Variants in RAB38 observed in about 807,000 individuals in gnomAD.
The protein encoded by RAB38 is RAB38, member RAS oncogene family, also known as ras-related protein Rab-38.
Under a neutral mutation model 18.4 loss-of-function variants are expected in RAB38, and 15 were observed. The observed-to-expected ratio is 0.82, with a 90% CI of 0.55 to 1.26. The LOEUF (loss-of-function observed/expected upper bound fraction) is 1.26, where lower values mean the gene tolerates loss of function less well. Ranked by LOEUF, RAB38 falls within the 50% of genes most tolerant of loss-of-function variation. The pLI is 0.00. For missense variants in RAB38, 294 were observed against 267.4 expected, an observed-to-expected ratio of 1.10 and a Z score of -0.69; for synonymous variants, 101 against 104.4, an observed-to-expected ratio of 0.97 and a Z score of 0.20.
intron 1 of RAB38, among the ~76,000 whole-genome samples, chr11:88,157,948 T>C (rs1943145786): frequency 6.6e-6 from 1 of 151,712 alleles, no homozygotes; most frequent in South Asian, 2.1e-4. Flanking sequence ...CAGAATGAAA[T>C]TGAGACTCAA....
chr11:87,932,759 A>G, the RAB38 span, among the ~76,000 whole-genome samples: 2 of 152,104 alleles, frequency 1.3e-5, no homozygotes, highest in Non-Finnish European at 2.9e-5. Context: ...GTGTGTAGGC[A>G]AAAACCACCT....
the RAB38 span, among the ~76,000 whole-genome samples, chr11:87,855,048 G>A: frequency 1.3e-5 from 2 of 152,076 alleles, no homozygotes; most frequent in African/African-American, 4.8e-5. Context: ...ACGTGCCTCG[G>A]CCTCCCAAAG....
At chr11:88,148,853 A>G (rs1943025026) in intron 2 of RAB38, among the ~76,000 whole-genome samples, 1 of 152,196 alleles carries the variant, frequency 6.6e-6, no homozygotes, top group African/African-American at 2.4e-5. Context: ...AATCAAAAGC[A>G]AAAATGGTTA....
chr11:87,946,044 C>G, the RAB38 span, among the ~76,000 whole-genome samples: 1 of 152,234 alleles, frequency 6.6e-6, no homozygotes, highest in South Asian at 2.1e-4. Flanking sequence ...CAAGTTCACA[C>G]ATGCCAAAGC....
At chr11:87,878,770 C>T in the RAB38 span, among the ~76,000 whole-genome samples, 2 of 151,616 alleles carry the variant, frequency 1.3e-5, no homozygotes, top group African/African-American at 4.8e-5. Context: ...ATGTGCTCAC[C>T]AGGTGAATTT....
chr11:88,064,236 A>G, the RAB38 span, among the ~76,000 whole-genome samples: 97 of 152,346 alleles, frequency 6.4e-4, no homozygotes, highest in Non-Finnish European at 4.7e-4. Context: ...GTGATGCTCA[A>G]AAAGATGGAA....
chr11:87,937,615 T>C, the RAB38 span, among the ~76,000 whole-genome samples: 1 of 151,782 alleles, frequency 6.6e-6, no homozygotes, highest in African/African-American at 2.4e-5. Context: ...CATGAATAGT[T>C]ATGACTATTG....
Position 88,113,852 on chromosome 11 carries a change from GAAAAA to G in RAB38, c.*131_*135del. On this transcript the variant is annotated 3_prime_UTR_variant, in exon 3 of 3. Transcript: ENST00000243662. The stretch of plus-strand genomic sequence containing the variant: ...GAACATTTGCTATTTCTCTCTCACT[GAAAAA>G]ACAGAGGCATAGATCTTTGGCTTGC... 1 of 1,007,958 alleles carries G rather than the reference GAAAAA, an allele frequency of 9.9e-7. No individual in the cohort carries two copies. The highest frequency in any genetic ancestry group is 1.6e-5 in the African/African-American group (1 of 62,100). 62.4% of individuals were successfully genotyped at this position (1,007,958 alleles called of 1,614,324 possible). A position where few individuals can be genotyped will look rare whatever the true frequency, so the allele number is the denominator to read the frequency against.
the RAB38 span, among the ~76,000 whole-genome samples, chr11:87,884,922 A>G: frequency 6.6e-6 from 1 of 151,952 alleles, no homozygotes; most frequent in Admixed American, 6.6e-5. Context: ...TGGATCAGGT[A>G]GAACATTTAA....
the RAB38 span, among the ~76,000 whole-genome samples, chr11:87,959,772 C>T: frequency 6.6e-6 from 1 of 152,156 alleles, no homozygotes; most frequent in African/African-American, 2.4e-5. Flanking sequence ...CTTGACATAG[C>T]ATCGATGAGC....
chr11:88,049,665 C>T, the RAB38 span, among the ~76,000 whole-genome samples: 1 of 152,124 alleles, frequency 6.6e-6, no homozygotes, highest in Admixed American at 6.5e-5. Context: ...TCGAGGGGAC[C>T]TCCCTTGGGA....
the RAB38 span, among the ~76,000 whole-genome samples, chr11:88,071,871 G>T: frequency 6.6e-6 from 1 of 152,154 alleles, no homozygotes; most frequent in African/African-American, 2.4e-5. Flanking sequence ...GAAAGCTCTG[G>T]TGTATTGAGA....
At chr11:87,945,790 A>G in the RAB38 span, among the ~76,000 whole-genome samples, 20 of 152,310 alleles carry the variant, frequency 1.3e-4, no homozygotes, top group Admixed American at 6.5e-4. Flanking sequence ...GTGCTCGTAA[A>G]TGTAAAAGCT....
At chr11:88,014,395 G>C in the RAB38 span, among the ~76,000 whole-genome samples, 21 of 152,168 alleles carry the variant, frequency 1.4e-4, no homozygotes, top group Non-Finnish European at 2.6e-4. Flanking sequence ...ACCCCGGTCT[G>C]TTACTTGTTT....
At chr11:87,870,657 A>G in the RAB38 span, among the ~76,000 whole-genome samples, 38 of 151,734 alleles carry the variant, frequency 2.5e-4, no homozygotes, top group Non-Finnish European at 5.5e-4. Flanking sequence ...GCCCACATAA[A>G]TTGGAGCAGG....
the RAB38 span, among the ~76,000 whole-genome samples, chr11:87,959,206 G>A: frequency 6.6e-6 from 1 of 152,052 alleles, no homozygotes; most frequent in South Asian, 2.1e-4. Flanking sequence ...ACATTCCGAC[G>A]CATTTAGGAT....
At chr11:87,910,648 T>A in the RAB38 span, among the ~76,000 whole-genome samples, 187 of 21,082 alleles carry the variant, frequency 8.9e-3, 1 homozygote, top group African/African-American at 0.013. Flanking sequence ...TTTTTTTTTT[T>A]TTTTTTTTTT....
the RAB38 span, among the ~76,000 whole-genome samples, chr11:88,028,563 C>T: frequency 2.6e-5 from 4 of 152,008 alleles, no homozygotes; most frequent in East Asian, 3.9e-4. Flanking sequence ...AGCCAAGGCT[C>T]GAAAACTACA....
At chr11:87,841,364 C>A in the RAB38 span, among the ~76,000 whole-genome samples, 1 of 152,148 alleles carries the variant, frequency 6.6e-6, no homozygotes, top group Admixed American at 6.5e-5. Flanking sequence ...CATCTTCCTG[C>A]TGACATGTGA....
Sources: gnomAD v4.1 joint callset for allele counts (sites outside exome capture counted in the v4.1 genomes callset) on GRCh38, gnomAD v4.1.1 for gene constraint, MANE v1.5 for transcripts, NCBI Gene and HGNC (gene_info 2026-07-23, HGNC 2026-07-21) for gene names.